NLGN1: variants seen among roughly 807,000 people sequenced by gnomAD.
NLGN1 encodes neuroligin-1.
A neutral mutation model predicts 65.5 loss-of-function variants in NLGN1; 12 were observed. The ratio of observed to expected loss-of-function variants is 0.18; its 90% CI spans 0.12 to 0.30. The LOEUF is 0.30. Among genes scored for constraint, NLGN1 ranks in the 10% least tolerant of loss-of-function variants. The pLI is 1.00. For missense variants in NLGN1, 750 were observed against 1,007.1 expected (o/e 0.74, Z 3.46); for synonymous variants, 350 against 359.5 (o/e 0.97, Z 0.30).
At chr3:173,776,219 A>G (rs1780276810) in intron 3 of NLGN1, among the ~76,000 whole-genome samples, 1 of 152,080 alleles carries the variant, frequency 6.6e-6, no homozygotes, top group African/African-American at 2.4e-5. Context: ...ACTTTATTAG[A>G]AATTGTAATG....
chr3:173,996,006 A>G (rs925121777), intron 4 of NLGN1, among the ~76,000 whole-genome samples: 7 of 152,212 alleles, frequency 4.6e-5, no homozygotes, highest in African/African-American at 1.7e-4. Flanking sequence ...GTTTTTAACC[A>G]TAACAATCAC....
intron 4 of NLGN1, among the ~76,000 whole-genome samples, chr3:174,095,243 A>G (rs1745256765): frequency 6.7e-6 from 1 of 148,164 alleles, no homozygotes; most frequent in South Asian, 2.1e-4. Context: ...AAAACCATAA[A>G]GTTGCTTTAT....
intron 2 of NLGN1, among the ~76,000 whole-genome samples, chr3:173,572,857 ACC>A (rs931324806): frequency 6.6e-6 from 1 of 152,064 alleles, no homozygotes; most frequent in Admixed American, 6.5e-5. Flanking sequence ...GTTCAGCTTC[ACC>A]CAGGGAGGAA....
At chr3:173,604,605 C>A (rs771781111) in exon 3 of NLGN1, 1 of 1,613,234 alleles carries the variant, frequency 6.2e-7, no homozygotes, top group South Asian at 1.1e-5. Context: ...GACCATGGCA[C>A]TGCCCAGATG....
chr3:173,687,683 T>C (rs1040669276), intron 3 of NLGN1, among the ~76,000 whole-genome samples: 1 of 152,250 alleles, frequency 6.6e-6, no homozygotes, highest in Non-Finnish European at 1.5e-5. Flanking sequence ...TCAGCTCAGA[T>C]AACTATACAT....
chr3:173,720,820 C>A (rs752507638), intron 3 of NLGN1, among the ~76,000 whole-genome samples: 4 of 152,156 alleles, frequency 2.6e-5, no homozygotes, highest in Non-Finnish European at 4.4e-5. Flanking sequence ...GAAACAAGAA[C>A]GTGATACCTG....
At chr3:173,597,159 A>G (rs1055592812) in intron 2 of NLGN1, among the ~76,000 whole-genome samples, 3 of 152,180 alleles carry the variant, frequency 2.0e-5, no homozygotes, top group African/African-American at 7.2e-5. Flanking sequence ...ACTTTATTGA[A>G]TTGGTCTCAC....
chr3:173,763,049 C>T (rs1387856341), intron 3 of NLGN1, among the ~76,000 whole-genome samples: 3 of 151,562 alleles, frequency 2.0e-5, no homozygotes, highest in African/African-American at 7.3e-5. Flanking sequence ...CTACAGACTG[C>T]ACCCTTTTTC....
chr3:174,052,409 GGAATGTACTTGA>G (rs1198036534), intron 4 of NLGN1, among the ~76,000 whole-genome samples: 1 of 151,754 alleles, frequency 6.6e-6, no homozygotes, highest in Non-Finnish European at 1.5e-5. Context: ...AATTAAGCAA[GGAATGTACTTGA>G]GAATGCATAA....
intron 4 of NLGN1, among the ~76,000 whole-genome samples, chr3:173,880,855 C>T (rs1044000628): frequency 2.6e-5 from 4 of 152,022 alleles, no homozygotes; most frequent in African/African-American, 7.2e-5. Flanking sequence ...TTTTACTCAC[C>T]GTAGAACTTC....
At chr3:173,989,018 A>G (rs1199540934) in intron 4 of NLGN1, among the ~76,000 whole-genome samples, 2 of 152,274 alleles carry the variant, frequency 1.3e-5, no homozygotes, top group East Asian at 3.9e-4. Context: ...GCAGATTGAG[A>G]ATAATTTTGA....
chr3:173,698,971 C>T (rs558595805), intron 3 of NLGN1, among the ~76,000 whole-genome samples: 1 of 152,234 alleles, frequency 6.6e-6, no homozygotes, highest in Admixed American at 6.5e-5. Context: ...ATTCTCCTGC[C>T]TCAGCCTCCC....
At chr3:174,267,127 C>G (rs890723377) in intron 4 of NLGN1, among the ~76,000 whole-genome samples, 1 of 152,126 alleles carries the variant, frequency 6.6e-6, no homozygotes, top group Non-Finnish European at 1.5e-5. Context: ...GCTCACAAAC[C>G]TGTGTTAGTC....
chr3:173,976,616 A>G (rs995258963), intron 4 of NLGN1, among the ~76,000 whole-genome samples: 2 of 152,060 alleles, frequency 1.3e-5, no homozygotes, highest in African/African-American at 4.8e-5. Flanking sequence ...CCATGAATAA[A>G]TGTGTCTTAC....
intron 2 of NLGN1, among the ~76,000 whole-genome samples, chr3:173,528,129 A>G (rs1440989659): frequency 6.6e-6 from 1 of 152,164 alleles, no homozygotes; most frequent in Non-Finnish European, 1.5e-5. Flanking sequence ...ACCTTTGAGC[A>G]TATCTTGTAG....
chr3:173,567,640 G>A (rs1326587162), intron 2 of NLGN1, among the ~76,000 whole-genome samples: 1 of 151,324 alleles, frequency 6.6e-6, no homozygotes, highest in African/African-American at 2.4e-5. Flanking sequence ...TATTTATCAA[G>A]TGTATTAGCA....
At chr3:174,123,530 G>A (rs1454191550) in intron 4 of NLGN1, among the ~76,000 whole-genome samples, 1 of 152,060 alleles carries the variant, frequency 6.6e-6, no homozygotes, top group Non-Finnish European at 1.5e-5. Context: ...GCTTCATAGA[G>A]TCATAAATAC....
intron 3 of NLGN1, among the ~76,000 whole-genome samples, chr3:173,647,707 T>C (rs1180614121): frequency 6.6e-6 from 1 of 152,056 alleles, no homozygotes; most frequent in African/African-American, 2.4e-5. Flanking sequence ...TAAACGCCTA[T>C]ATTAGAAAAG....
At chr3:173,604,491 C>T (rs767695059) in exon 3 of NLGN1, 1 of 1,228,396 alleles carries the variant, frequency 8.1e-7, no homozygotes, top group Non-Finnish European at 1.1e-6. Flanking sequence ...CGACAAGCTC[C>T]CCTGTAAGAA....
Sources: allele counts gnomAD v4.1 joint callset (sites outside exome capture counted in the v4.1 genomes callset), GRCh38; gene constraint gnomAD v4.1.1; transcripts MANE v1.5; gene names NCBI Gene and HGNC (gene_info 2026-07-23, HGNC 2026-07-21).